The following LIN9 variants were observed in gnomAD, a reference collection of about 807,000 sequenced individuals.
LIN9 encodes the protein lin-9 DREAM MuvB core complex component.
Under a neutral mutation model 78.0 loss-of-function variants are expected in LIN9, and 18 were observed. The ratio of observed to expected loss-of-function variants is 0.23; its 90% CI spans 0.16 to 0.34. LIN9 has a LOEUF of 0.34. LIN9 is among the 10% of genes least tolerant of loss of function. The pLI, the probability that LIN9 is intolerant of heterozygous loss-of-function variation, is 1.00. For missense variants in LIN9, 451 were observed against 644.1 expected (o/e 0.70, Z 3.25); for synonymous variants, 192 against 215.2 (o/e 0.89, Z 0.94).
At chr1:226,264,514 A>G (rs1401808211) in intron 10 of LIN9, among the ~76,000 whole-genome samples, 1 of 152,192 alleles carries the variant, frequency 6.6e-6, no homozygotes, top group African/African-American at 2.4e-5. Flanking sequence ...AACACTGTGA[A>G]TATTTTCATG....
At chr1:226,245,641 G>GA (rs1254020097) in intron 11 of LIN9, among the ~76,000 whole-genome samples, 1 of 145,862 alleles carries the variant, frequency 6.9e-6, no homozygotes, top group Non-Finnish European at 1.5e-5. Context: ...GGCCAGGCTG[G>GA]AGTGCAGTGG....
chr1:226,274,239 A>G (rs1304745886), intron 7 of LIN9, among the ~76,000 whole-genome samples: 1 of 152,216 alleles, frequency 6.6e-6, no homozygotes, highest in Non-Finnish European at 1.5e-5. Flanking sequence ...CTGGTGCTCT[A>G]TGGTCCTTTC....
Position 226,232,591 on chromosome 1 carries a change from A to G in LIN9, c.1539T>C (p.Asn513=), listed in dbSNP as rs1290527176. 1.2e-6 allele frequency: 2 copies of G among 1,604,374 alleles called. No homozygotes were observed. The highest frequency in any genetic ancestry group is 1.1e-5 in the South Asian group (1 of 89,104). ...GAATATGTGCAACATGGATTTCTAC[A>G]TTATTCTGAAAGCAACTAAAGAAAG... The part of the protein sequence containing the change: ...DASNISCFQN[N]VEIHVAHIQS... Residue 513 remains asparagine (N), a synonymous_variant, in exon 15 of 15, where the codon AAT becomes AAC. Coordinates refer to ENST00000681046, the MANE Select transcript of LIN9 (RefSeq NM_001366245.2).
intron 13 of LIN9, 60 bp from the exon 14 acceptor site, chr1:226,233,253 AC>A: frequency 6.6e-7 from 1 of 1,520,750 alleles, no homozygotes. Context: ...GTCATAAAAT[AC>A]CTGATATAAT....
rs149035186 is a variant in LIN9 at position 226,233,173 on chromosome 1, G to T, written c.1446C>A (p.Asp482Glu). The T allele has an allele frequency of 4.4e-6, 7 of 1,606,810 alleles. No individual in the cohort carries two copies. Among genetic ancestry groups the T allele is most frequent in the Non-Finnish European group, 5.9e-6 (7 of 1,177,240 alleles). ...LQIKCLAEGG[D>E]LNSFEFKSLT... ...GTGATTTGAATTCAAAGGAATTCAG[G>T]TCTCCTCCTTCTGCTAGACACTAAA... Residue 482 changes from aspartate (D) to glutamate (E), a missense_variant, in exon 14 of 15, where the codon GAC (aspartate) becomes GAA (glutamate). Coordinates refer to ENST00000681046, the MANE Select transcript of LIN9 (RefSeq NM_001366245.2).
Position 226,270,081 on chromosome 1 carries a change from C to T in LIN9, c.683-1991G>A, listed in dbSNP as rs186751239. The stretch of plus-strand genomic sequence containing the variant: ...GGGATTACAAGTGCCCGCCACCACA[C>T]CCGGCTAATTTTTTTTTGTATTTTT... On this transcript the variant is annotated intron_variant, in intron 7 of 14. Transcript: ENST00000681046. Among the ~76,000 whole-genome samples the T allele has an allele frequency of 1.9e-3, 285 of 152,188 alleles. 2 individuals carry two copies. Among genetic ancestry groups the T allele is most frequent in the African/African-American group, 6.6e-3 (273 of 41,516 alleles).
chr1:226,253,993 G>A (rs1470793611), intron 10 of LIN9, among the ~76,000 whole-genome samples: 6 of 152,184 alleles, frequency 3.9e-5, no homozygotes, highest in South Asian at 2.1e-4. Context: ...GTGCAGTAGC[G>A]TGATCATGGC....
chr1:226,248,888 T>C (rs1385546808), intron 11 of LIN9, among the ~76,000 whole-genome samples: 1 of 152,168 alleles, frequency 6.6e-6, no homozygotes, highest in Non-Finnish European at 1.5e-5. Flanking sequence ...TAATAAAACA[T>C]ATCAAGCCAA....
At chr1:226,267,303 A>G (rs12075874) in intron 8 of LIN9, among the ~76,000 whole-genome samples, 1 of 66,760 alleles carries the variant, frequency 1.5e-5, no homozygotes, top group Non-Finnish European at 3.0e-5. Context: ...ATGTGTGTGT[A>G]TATATATTAT....
At chr1:226,277,745 C>A in intron 7 of LIN9, 30 bp downstream of exon 7, 1 of 1,585,632 alleles carries the variant, frequency 6.3e-7, no homozygotes, top group South Asian at 1.1e-5. Context: ...AATTACAAGT[C>A]AAAAGAGTAA....
intron 11 of LIN9, among the ~76,000 whole-genome samples, chr1:226,249,533 A>G (rs1658695872): frequency 1.3e-5 from 2 of 152,168 alleles, no homozygotes; most frequent in African/African-American, 4.8e-5. Context: ...TATAATCCTA[A>G]AAGAGGATTG....
In LIN9 at chr1:226,297,435, C is replaced by G. The variant is rs563871084; in HGVS notation, c.159+284G>C. Among the ~76,000 whole-genome samples, 7 of 152,158 alleles carry G rather than the reference C, an allele frequency of 4.6e-5. No homozygotes were observed. In the South Asian group the frequency reaches 1.5e-3, roughly 32 times the overall value. On this transcript the variant is annotated intron_variant, in intron 3 of 14. Transcript: ENST00000681046. The stretch of plus-strand genomic sequence containing the variant: ...TATATATTTTTGCAGGTACCAAAGC[C>G]ATGTAAAATTTTTTGCGTATCTAAT...
At position 226,233,190 on chromosome 1, in the gene LIN9, G is replaced by T. The variant is rs1657463532; in HGVS notation, c.1429C>A (p.Leu477Ile). The T allele has an allele frequency of 6.3e-7, 1 of 1,596,428 alleles. No homozygotes were observed. The highest frequency in any genetic ancestry group is 1.4e-5 in the African/African-American group (1 of 73,740). ...GAATTCAGGTCTCCTCCTTCTGCTA[G>T]ACACTAAAGGGAAAAAAATTTCAAA... ...LTAILLQIKC[L>I]AEGGDLNSFE... The change falls in exon 14 of 15, where the codon CTA becomes ATA. Residue 477 changes from leucine to isoleucine, a missense_variant. Coordinates refer to ENST00000681046, the MANE Select transcript of LIN9 (RefSeq NM_001366245.2).
intron 7 of LIN9, among the ~76,000 whole-genome samples, chr1:226,269,917 C>T (rs186158106): frequency 3.9e-4 from 59 of 152,196 alleles, no homozygotes; most frequent in African/African-American, 1.3e-3. Flanking sequence ...CATTAGGTGA[C>T]CACTAAATTA....
At chr1:226,236,542 G>A (rs945681107) in intron 12 of LIN9, among the ~76,000 whole-genome samples, 4 of 151,998 alleles carry the variant, frequency 2.6e-5, no homozygotes, top group African/African-American at 9.7e-5. Flanking sequence ...TGCAAGCTCC[G>A]CCTCCTGGGT....
At chr1:226,275,707 A>G (rs1045939957) in intron 7 of LIN9, among the ~76,000 whole-genome samples, 28 of 145,596 alleles carry the variant, frequency 1.9e-4, no homozygotes, top group African/African-American at 4.7e-4. Context: ...AAAAAAAAAA[A>G]AAAAAGAAAA....
chr1:226,258,704 C>G (rs1490155633), intron 10 of LIN9, among the ~76,000 whole-genome samples: 2 of 151,006 alleles, frequency 1.3e-5, no homozygotes, highest in Non-Finnish European at 2.9e-5. Context: ...TCCTGGCTAA[C>G]ACGGTGAAAC....
chr1:226,256,571 T>TATA lies in LIN9; in HGVS notation c.1039-5653_1039-5652insTAT, dbSNP rs538177083. On this transcript the variant is annotated intron_variant, in intron 10 of 14. Coordinates refer to ENST00000681046, the MANE Select transcript of LIN9 (RefSeq NM_001366245.2). ...AAAATAAATATATATATATATATAT[T>TATA]TTTTTGAGACAGAGTCTCGCTCTGT... Among the ~76,000 whole-genome samples the TATA allele has an allele frequency of 7.3e-5, 11 of 150,384 alleles. No homozygotes were observed. In the South Asian group the frequency reaches 1.9e-3, roughly 26 times the overall value.
intron 3 of LIN9, among the ~76,000 whole-genome samples, chr1:226,296,590 AAG>A (rs1458607380): frequency 6.6e-6 from 1 of 152,216 alleles, no homozygotes; most frequent in African/African-American, 2.4e-5. Context: ...TAGAGAGAAA[AAG>A]AAATAATATC....
Sources: allele counts gnomAD v4.1 joint callset (sites outside exome capture counted in the v4.1 genomes callset), GRCh38; gene constraint gnomAD v4.1.1; transcripts MANE v1.5; gene names NCBI Gene and HGNC (gene_info 2026-07-23, HGNC 2026-07-21).